The following UVRAG variants were observed in gnomAD, a reference collection of about 807,000 sequenced individuals.
UVRAG encodes UV radiation resistance-associated gene protein.
In UVRAG, 19 loss-of-function variants were observed where a neutral mutation model predicts 78.0. That is an observed-to-expected ratio of 0.24 (90% CI 0.17 to 0.36). The LOEUF (loss-of-function observed/expected upper bound fraction) is 0.36. UVRAG is among the 10% of genes least tolerant of loss of function. The probability of loss-of-function intolerance (pLI) is 1.00; values close to 1 mark genes in which losing one functional copy is unlikely to be tolerated. For missense variants in UVRAG, 740 were observed against 853.8 expected, an observed-to-expected ratio of 0.87 and a Z score of 1.66; for synonymous variants, 323 against 324.6, an observed-to-expected ratio of 1.00 and a Z score of 0.05.
chr11:75,971,790 A>AT (rs1307288863), intron 7 of UVRAG, among the ~76,000 whole-genome samples: 2 of 151,598 alleles, frequency 1.3e-5, no homozygotes, highest in Admixed American at 1.3e-4. Context: ...GGTTCAAGCG[A>AT]TTTTCCTCCC....
At chr11:75,860,818 A>G (rs1230325415) in intron 2 of UVRAG, among the ~76,000 whole-genome samples, 1 of 149,394 alleles carries the variant, frequency 6.7e-6, no homozygotes, top group Admixed American at 6.7e-5. Context: ...ATGGAGTCTC[A>G]CTCTGTCACC....
chr11:75,840,997 G>A (rs1405876156), intron 1 of UVRAG, among the ~76,000 whole-genome samples: 1 of 152,110 alleles, frequency 6.6e-6, no homozygotes, highest in Non-Finnish European at 1.5e-5. Context: ...TTTACCTTCT[G>A]TGGAAATGTG....
At chr11:75,985,875 A>G (rs543474501) in intron 8 of UVRAG, among the ~76,000 whole-genome samples, 8 of 152,076 alleles carry the variant, frequency 5.3e-5, no homozygotes, top group Admixed American at 2.0e-4. Context: ...GTTCTGTTCT[A>G]TTGATCTATT....
chr11:75,869,188 C>G (rs935367095), intron 3 of UVRAG, among the ~76,000 whole-genome samples: 13 of 152,184 alleles, frequency 8.5e-5, no homozygotes, highest in African/African-American at 2.9e-4. Flanking sequence ...CCACTTCCTT[C>G]CACTGATTAA....
intron 12 of UVRAG, among the ~76,000 whole-genome samples, chr11:76,060,487 C>T (rs1951062149): frequency 6.6e-6 from 1 of 152,264 alleles, no homozygotes; most frequent in Non-Finnish European, 1.5e-5. Context: ...CTTCAGCCCA[C>T]CGCTGCACTG....
intron 3 of UVRAG, among the ~76,000 whole-genome samples, chr11:75,878,905 G>A (rs567743321): frequency 7.5e-6 from 1 of 133,444 alleles, no homozygotes; most frequent in Non-Finnish European, 1.7e-5. Flanking sequence ...GGGACAGGGA[G>A]GGGGAGGGGG....
At chr11:75,978,995 A>G (rs1384209204) in intron 7 of UVRAG, among the ~76,000 whole-genome samples, 1 of 152,146 alleles carries the variant, frequency 6.6e-6, no homozygotes, top group African/African-American at 2.4e-5. Context: ...GTTTCTCCCC[A>G]TCTTTGTGGT....
chr11:75,859,437 A>T (rs937083516), intron 2 of UVRAG, among the ~76,000 whole-genome samples: 5 of 151,992 alleles, frequency 3.3e-5, no homozygotes, highest in African/African-American at 1.2e-4. Context: ...AAAAAACTAA[A>T]CAATTTTATT....
At chr11:76,057,497 A>C (rs774922186) in intron 12 of UVRAG, among the ~76,000 whole-genome samples, 2 of 152,216 alleles carry the variant, frequency 1.3e-5, no homozygotes, top group Non-Finnish European at 2.9e-5. Context: ...ATTATTTTAA[A>C]ATGGCTTATT....
At chr11:76,081,520 C>T (rs1951493830) in intron 13 of UVRAG, among the ~76,000 whole-genome samples, 1 of 151,968 alleles carries the variant, frequency 6.6e-6, no homozygotes. Context: ...AAGTTAGTCT[C>T]TAATTTTTCT....
chr11:76,137,352 C>T (rs186284775), intron 14 of UVRAG: 1 of 456,156 alleles, frequency 2.2e-6, no homozygotes, highest in Non-Finnish European at 4.4e-6. Context: ...CACCACTGAA[C>T]ATCCTGTAGT....
At chr11:75,995,069 A>G (rs1949679541) in intron 8 of UVRAG, among the ~76,000 whole-genome samples, 1 of 152,214 alleles carries the variant, frequency 6.6e-6, no homozygotes, top group Non-Finnish European at 1.5e-5. Flanking sequence ...TCAGAAAGGT[A>G]GGACTGGTGG....
chr11:75,867,323 G>T (rs78163851), intron 3 of UVRAG, among the ~76,000 whole-genome samples: 4 of 152,170 alleles, frequency 2.6e-5, no homozygotes, highest in Non-Finnish European at 5.9e-5. Flanking sequence ...CTCTCCAGTC[G>T]CTGTTACTTT....
At chr11:76,059,370 C>T (rs1410730694) in intron 12 of UVRAG, among the ~76,000 whole-genome samples, 1 of 152,152 alleles carries the variant, frequency 6.6e-6, no homozygotes, top group Non-Finnish European at 1.5e-5. Flanking sequence ...TACTGGGCTT[C>T]CTAAAATCAA....
intron 14 of UVRAG, among the ~76,000 whole-genome samples, chr11:76,128,269 G>A (rs550688877): frequency 5.3e-5 from 8 of 152,248 alleles, no homozygotes; most frequent in African/African-American, 1.4e-4. Context: ...AACTACTCAC[G>A]CGGGGGATCT....
intron 6 of UVRAG, among the ~76,000 whole-genome samples, chr11:75,949,579 C>T (rs993430313): frequency 3.3e-5 from 5 of 151,880 alleles, no homozygotes; most frequent in South Asian, 2.1e-4. Context: ...CTGTTGCTGC[C>T]GTGTTCTACA....
chr11:76,004,942 C>T (rs1949900949), intron 9 of UVRAG, among the ~76,000 whole-genome samples: 1 of 152,216 alleles, frequency 6.6e-6, no homozygotes. Context: ...CCAACATATG[C>T]TTAATTCGTT....
chr11:75,816,180 G>A (rs1042964315), intron 1 of UVRAG, among the ~76,000 whole-genome samples: 1 of 152,188 alleles, frequency 6.6e-6, no homozygotes, highest in Non-Finnish European at 1.5e-5. Flanking sequence ...TCTGTGGAAG[G>A]AGGATTTGAT....
intron 12 of UVRAG, among the ~76,000 whole-genome samples, chr11:76,034,695 A>G (rs1355752615): frequency 6.6e-6 from 1 of 152,040 alleles, no homozygotes; most frequent in African/African-American, 2.4e-5. Flanking sequence ...AGTTTGCCAT[A>G]TTTCCTTTTG....
Sources: gnomAD v4.1 joint callset for allele counts (sites outside exome capture counted in the v4.1 genomes callset) on GRCh38, gnomAD v4.1.1 for gene constraint, MANE v1.5 for transcripts, NCBI Gene and HGNC (gene_info 2026-07-23, HGNC 2026-07-21) for gene names.